Variants in LRRC4C observed in about 807,000 individuals in gnomAD.
The protein encoded by LRRC4C is leucine rich repeat containing 4C, also known as leucine-rich repeat-containing protein 4C.
A neutral mutation model predicts 33.6 loss-of-function variants in LRRC4C; 5 were observed. The observed-to-expected ratio is 0.15, with a 90% CI of 0.08 to 0.31. The LOEUF (loss-of-function observed/expected upper bound fraction) is 0.31, where lower values mean the gene tolerates loss of function less well. Ranked by LOEUF, LRRC4C falls within the 10% of genes least tolerant of loss-of-function variation. The pLI is 1.00. For missense variants in LRRC4C, 560 were observed against 796.7 expected, an observed-to-expected ratio of 0.70 and a Z score of 3.58; for synonymous variants, 329 against 302.0, an observed-to-expected ratio of 1.09 and a Z score of -0.93.
intron 3 of LRRC4C, among the ~76,000 whole-genome samples, chr11:40,338,478 A>C (rs1278324575): frequency 6.6e-6 from 1 of 152,196 alleles, no homozygotes; most frequent in Non-Finnish European, 1.5e-5. Flanking sequence ...AGTTCTGTTG[A>C]ATACATGCTA....
In LRRC4C at chr11:41,198,050, T is replaced by TA. The variant is rs1028638079; in HGVS notation, c.-496+261380dup. On this transcript the variant is annotated intron_variant, in intron 1 of 6. Coordinates refer to ENST00000528697, the MANE Select transcript of LRRC4C (RefSeq NM_001258419.2). ...AACAGAAATATAAACCTTCTGTGAA[T>TA]AAAAAAAAGCTAAGTGGGATTTAAA... Among the ~76,000 whole-genome samples the TA allele has an allele frequency of 1.6e-4, 25 of 151,794 alleles. No individual in the cohort carries two copies. In the East Asian group the frequency reaches 2.3e-3, roughly 14 times the overall value.
chr11:40,810,025 C>T (rs1190149267), intron 2 of LRRC4C, among the ~76,000 whole-genome samples: 2 of 152,178 alleles, frequency 1.3e-5, no homozygotes, highest in African/African-American at 2.4e-5. Flanking sequence ...ATTTTCCTCA[C>T]AGCAAATATT....
chr11:40,408,120 G>A (rs1358225344), intron 3 of LRRC4C, among the ~76,000 whole-genome samples: 1 of 152,002 alleles, frequency 6.6e-6, no homozygotes, highest in East Asian at 1.9e-4. Context: ...AATCGGATAT[G>A]AGATTCCTAC....
At chr11:41,433,251 A>AAATAACCAC (rs1222172491) in intron 1 of LRRC4C, among the ~76,000 whole-genome samples, 1 of 152,292 alleles carries the variant, frequency 6.6e-6, no homozygotes, top group African/African-American at 2.4e-5. Flanking sequence ...TTTCAGAAAA[A>AAATAACCAC]AATAACCACT....
In LRRC4C at chr11:40,578,140, G is replaced by GTTTTTTTTTTTTTTTTTTTTTTTTTT; in HGVS notation, c.-270+70001_-270+70002insAAAAAAAAAAAAAAAAAAAAAAAAAA. On this transcript the variant is annotated intron_variant, in intron 3 of 6. Transcript: ENST00000528697. ...TGATATTATTGGACTTTTTTTTTTC[G>GTTTTTTTTTTTTTTTTTTTTTTTTTT]GTTTTTTTTTTTTTTTTTTTTTTTT... Among the ~76,000 whole-genome samples, 131 of 40,570 alleles carry GTTTTTTTTTTTTTTTTTTTTTTTTTT rather than the reference G, an allele frequency of 3.2e-3. 63 individuals carry two copies. The highest frequency in any genetic ancestry group is 8.2e-3 in the African/African-American group (58 of 7,096). 26.6% of individuals were successfully genotyped at this position (40,570 alleles called of 152,430 possible). A position where few individuals can be genotyped will look rare whatever the true frequency, so the allele number is the denominator to read the frequency against.
chr11:40,762,339 TC>T (rs993687583), intron 2 of LRRC4C, among the ~76,000 whole-genome samples: 1 of 152,160 alleles, frequency 6.6e-6, no homozygotes, highest in African/African-American at 2.4e-5. Context: ...TTCCTTTATT[TC>T]CATTAAGGTT....
intron 5 of LRRC4C, among the ~76,000 whole-genome samples, chr11:40,155,733 A>T (rs1460637799): frequency 6.6e-6 from 1 of 152,166 alleles, no homozygotes. Flanking sequence ...AACAAAAAAA[A>T]GTCCAAGACC....
chr11:40,503,349 T>C (rs1032460570), intron 3 of LRRC4C, among the ~76,000 whole-genome samples: 1 of 152,248 alleles, frequency 6.6e-6, no homozygotes, highest in African/African-American at 2.4e-5. Context: ...GCCTAGCATA[T>C]AGCACATGGG....
chr11:40,448,504 G>A (rs1321601909), intron 3 of LRRC4C, among the ~76,000 whole-genome samples: 1 of 151,926 alleles, frequency 6.6e-6, no homozygotes, highest in Non-Finnish European at 1.5e-5. Flanking sequence ...TGTGGTGTTT[G>A]GTTTTCTGTT....
At chr11:40,189,453 T>G (rs1861658294) in intron 5 of LRRC4C, among the ~76,000 whole-genome samples, 1 of 152,188 alleles carries the variant, frequency 6.6e-6, no homozygotes, top group Non-Finnish European at 1.5e-5. Context: ...CCTGGGTTCA[T>G]ACAGCTATTC....
chr11:40,128,294 T>C (rs935652738), intron 6 of LRRC4C, among the ~76,000 whole-genome samples: 3 of 152,192 alleles, frequency 2.0e-5, no homozygotes, highest in Admixed American at 1.3e-4. Context: ...CAAGGCAAAA[T>C]TGTTAAACTC....
intron 1 of LRRC4C, among the ~76,000 whole-genome samples, chr11:41,330,002 A>C (rs2137360192): frequency 6.6e-6 from 1 of 152,342 alleles, no homozygotes; most frequent in South Asian, 2.1e-4. Context: ...CCAGAAGGTT[A>C]ATACCTGAGA....
At chr11:41,348,307 G>C (rs540021753) in intron 1 of LRRC4C, among the ~76,000 whole-genome samples, 2 of 152,196 alleles carry the variant, frequency 1.3e-5, no homozygotes, top group East Asian at 3.9e-4. Flanking sequence ...TCAATTCATG[G>C]TGGTCAGAAG....
At chr11:40,866,313 A>C (rs1043258942) in intron 2 of LRRC4C, among the ~76,000 whole-genome samples, 9 of 152,166 alleles carry the variant, frequency 5.9e-5, no homozygotes, top group African/African-American at 2.2e-4. Flanking sequence ...AACAACCCAA[A>C]AAGGTCAGAA....
At chr11:40,936,510 G>A (rs1393459551) in intron 1 of LRRC4C, among the ~76,000 whole-genome samples, 1 of 151,336 alleles carries the variant, frequency 6.6e-6, no homozygotes, top group East Asian at 2.0e-4. Flanking sequence ...CTAATTTTTT[G>A]TGTTTTTAGT....
At chr11:40,420,715 A>G (rs569933870) in intron 3 of LRRC4C, among the ~76,000 whole-genome samples, 1 of 152,320 alleles carries the variant, frequency 6.6e-6, no homozygotes, top group East Asian at 1.9e-4. Context: ...AACTTTATAG[A>G]TATAGAAACT....
In LRRC4C at chr11:40,861,901, T is replaced by A. The variant is rs1436917587; in HGVS notation, c.-407+71734A>T. Among the ~76,000 whole-genome samples, 6 of 152,220 alleles carry A rather than the reference T, an allele frequency of 3.9e-5. No individual in the cohort carries two copies. The East Asian group carries it at 7.7e-4, about 20-fold the overall frequency. On this transcript the variant is annotated intron_variant, in intron 2 of 6. Transcript: ENST00000528697. The stretch of plus-strand genomic sequence containing the variant: ...ACAAACAGTTCTCAGCGTAACTCAT[T>A]ACAATGGGGAGGAGCCAAGCCATTC...
chr11:40,830,080 A>AGG, intron 2 of LRRC4C, among the ~76,000 whole-genome samples: 1 of 151,998 alleles, frequency 6.6e-6, no homozygotes, highest in African/African-American at 2.4e-5. Flanking sequence ...TTGTATGTTT[A>AGG]GAGGCCTTAA....
intron 1 of LRRC4C, among the ~76,000 whole-genome samples, chr11:41,272,504 A>C (rs1460395452): frequency 6.6e-6 from 1 of 152,156 alleles, no homozygotes; most frequent in Admixed American, 6.6e-5. Context: ...ACTACAGAGA[A>C]GAAAGTTATA....
Sources: allele counts gnomAD v4.1 joint callset (sites outside exome capture counted in the v4.1 genomes callset), GRCh38; gene constraint gnomAD v4.1.1; transcripts MANE v1.5; gene names NCBI Gene and HGNC (gene_info 2026-07-23, HGNC 2026-07-21).